PRUNE2: variants seen among roughly 807,000 people sequenced by gnomAD.
PRUNE2 encodes prune homolog 2 with BCH domain, also known as protein prune homolog 2.
In PRUNE2, 164 loss-of-function variants were observed where a neutral mutation model predicts 252.0. The observed-to-expected ratio is 0.65, with a 90% CI of 0.57 to 0.74. PRUNE2 has a LOEUF of 0.74. PRUNE2 is among the 30% of genes least tolerant of loss of function. The pLI, the probability that PRUNE2 is intolerant of heterozygous loss-of-function variation, is 0.00. For synonymous variants in PRUNE2, 1,292 were observed against 1,350.2 expected (o/e 0.96, Z 0.94); for missense variants, 3,495 against 3,711.0 (o/e 0.94, Z 1.51).
chr9:76,652,291 G>GT (rs1413736220), intron 11 of PRUNE2, 192 bp downstream of exon 11: 6 of 580,136 alleles, frequency 1.0e-5, no homozygotes, highest in Non-Finnish European at 1.8e-5. Context: ...CAATGGTTAT[G>GT]TATGGCCTCT....
chr9:76,774,450 C>CTTTTTTTATTTATTTATTTATTTAT lies in PRUNE2; in HGVS notation c.756+49181_756+49182insATAAATAAATAAATAAATAAAAAAA, dbSNP rs1564272256. Among the ~76,000 whole-genome samples the CTTTTTTTATTTATTTATTTATTTAT allele has an allele frequency of 3.9e-3, 162 of 41,374 alleles. 4 individuals are homozygous for CTTTTTTTATTTATTTATTTATTTAT. Among genetic ancestry groups the CTTTTTTTATTTATTTATTTATTTAT allele is most frequent in the Middle Eastern group, 0.016 (1 of 62 alleles). 27.1% of individuals were successfully genotyped at this position (41,374 alleles called of 152,430 possible). A position where few individuals can be genotyped will look rare whatever the true frequency, so the allele number is the denominator to read the frequency against. On this transcript the variant is annotated intron_variant, in intron 6 of 18. Transcript: ENST00000376718. Reference sequence around the variant, plus strand: ...ATCGTTCCTGGCCTCCAGTTCAACCCTTTTTTTTTTTTTTTTTTTTTTTTT... The same window carrying CTTTTTTTATTTATTTATTTATTTAT: ...ATCGTTCCTGGCCTCCAGTTCAACCCTTTTTTTATTTATTTATTTATTTATTTTTTTTTTTTTTTTTTTTTTTTTT...
intron 6 of PRUNE2, among the ~76,000 whole-genome samples, chr9:76,795,410 G>C (rs564393079): frequency 1.3e-5 from 2 of 152,286 alleles, no homozygotes; most frequent in South Asian, 4.2e-4. Context: ...TCTTATTTCT[G>C]ATCCCTCCAA....
At chr9:76,899,605 C>T (rs960961914) in intron 1 of PRUNE2, among the ~76,000 whole-genome samples, 8 of 151,974 alleles carry the variant, frequency 5.3e-5, no homozygotes, top group African/African-American at 1.9e-4. Context: ...TCTAAAACCA[C>T]TCTTTGAGCA....
chr9:76,780,692 A>AAAAC (rs140032621), intron 6 of PRUNE2, among the ~76,000 whole-genome samples: 2,891 of 152,178 alleles, frequency 0.019, 80 homozygotes, highest in African/African-American at 0.062. Context: ...CTCCGTCTCA[A>AAAAC]AAACAAACAA....
chr9:76,744,608 C>A (rs968308736), intron 6 of PRUNE2, among the ~76,000 whole-genome samples: 2 of 152,176 alleles, frequency 1.3e-5, no homozygotes. Flanking sequence ...TGTTAGTTTA[C>A]AAAGGCATAC....
chr9:76,856,451 G>T (rs967874237), intron 1 of PRUNE2: 1 of 152,096 alleles, frequency 6.6e-6, no homozygotes, highest in African/African-American at 2.4e-5. Context: ...GAAGACATGG[G>T]GAGTGTAGCA....
intron 6 of PRUNE2, among the ~76,000 whole-genome samples, chr9:76,795,737 T>C (rs1455603809): frequency 6.6e-6 from 1 of 152,230 alleles, no homozygotes; most frequent in Non-Finnish European, 1.5e-5. Context: ...ATACGGTACT[T>C]TTAATGAATC....
intron 6 of PRUNE2, among the ~76,000 whole-genome samples, chr9:76,761,551 C>T (rs190094592): frequency 6.6e-6 from 1 of 152,196 alleles, no homozygotes; most frequent in Non-Finnish European, 1.5e-5. Context: ...TATCTCTGGA[C>T]ATCAAAGCCC....
chr9:76,867,871 G>GCAGTATGTTTCTAATTAAGATCAC, intron 1 of PRUNE2, among the ~76,000 whole-genome samples: 1 of 151,970 alleles, frequency 6.6e-6, no homozygotes, highest in African/African-American at 2.4e-5. Context: ...GCGCCCGGCC[G>GCAGTATGTTTCTAATTAAGATCAC]GTTTTGCTTT....
intron 6 of PRUNE2, among the ~76,000 whole-genome samples, chr9:76,814,110 G>A (rs12353019): frequency 0.28 from 42,355 of 152,114 alleles, 6,049 homozygotes; most frequent in Middle Eastern, 0.39. Flanking sequence ...CACTGCTCCC[G>A]GCCATGTATC....
intron 6 of PRUNE2, among the ~76,000 whole-genome samples, chr9:76,789,433 T>C (rs1206807605): frequency 6.6e-6 from 1 of 152,250 alleles, no homozygotes; most frequent in Non-Finnish European, 1.5e-5. Flanking sequence ...AGTGGTCTTC[T>C]CACTGTATCC....
chr9:76,764,629 G>C (rs748756249), intron 6 of PRUNE2: 21 of 152,392 alleles, frequency 1.4e-4, no homozygotes, highest in Non-Finnish European at 2.5e-4. Context: ...GTTTAAAGTT[G>C]GGGAAGAGGT....
chr9:76,782,895 A>G (rs531047582), intron 6 of PRUNE2: 6 of 152,302 alleles, frequency 3.9e-5, no homozygotes, highest in Middle Eastern at 3.4e-3. Context: ...TTAACCATAT[A>G]CCTGCTATTC....
intron 1 of PRUNE2, among the ~76,000 whole-genome samples, chr9:76,904,822 C>T (rs938573862): frequency 2.6e-5 from 4 of 152,196 alleles, no homozygotes; most frequent in Non-Finnish European, 5.9e-5. Flanking sequence ...ATCACACTTC[C>T]GTCTGCACTC....
At chr9:76,873,677 A>G (rs111747101) in intron 1 of PRUNE2, among the ~76,000 whole-genome samples, 230 of 152,336 alleles carry the variant, frequency 1.5e-3, no homozygotes, top group African/African-American at 4.9e-3. Flanking sequence ...GAGAGAGAGA[A>G]CATCCTTGCA....
intron 1 of PRUNE2, among the ~76,000 whole-genome samples, chr9:76,863,790 C>G (rs756421233): frequency 3.3e-5 from 5 of 152,182 alleles, no homozygotes; most frequent in Non-Finnish European, 7.3e-5. Flanking sequence ...TGCTTTGCCT[C>G]ATGTCAAAAT....
chr9:76,660,482 T>C (rs933569865), intron 9 of PRUNE2, among the ~76,000 whole-genome samples: 2 of 151,784 alleles, frequency 1.3e-5, no homozygotes, highest in Non-Finnish European at 2.9e-5. Flanking sequence ...GACCCTAGGG[T>C]TCCAAAAGAA....
rs1450745714 is a variant in PRUNE2 at position 76,705,218 on chromosome 9, A to G, written c.7056T>C (p.Phe2352=). 3 of 1,614,028 alleles carry G rather than the reference A, an allele frequency of 1.9e-6. No individual in the cohort carries two copies. Among genetic ancestry groups the G allele is most frequent in the Admixed American group, 1.7e-5 (1 of 60,024 alleles). Residue 2352 remains phenylalanine (F), a synonymous_variant, in exon 8 of 19, where the codon TTT becomes TTC. Coordinates refer to ENST00000376718, the MANE Select transcript of PRUNE2 (RefSeq NM_015225.3). ...ICSSEASWGD[F]EYDVMGQNID... ...TATTCTGGCCCATTACATCATATTC[A>G]AAATCACCCCACGAGGCTTCAGATG...
At chr9:76,769,617 G>A (rs1024733534) in intron 6 of PRUNE2, among the ~76,000 whole-genome samples, 1 of 152,142 alleles carries the variant, frequency 6.6e-6, no homozygotes, top group Non-Finnish European at 1.5e-5. Flanking sequence ...TAGAGATGGG[G>A]TTTCTCCATG....
Sources: allele counts gnomAD v4.1 joint callset (sites outside exome capture counted in the v4.1 genomes callset), GRCh38; gene constraint gnomAD v4.1.1; transcripts MANE v1.5; gene names NCBI Gene and HGNC (gene_info 2026-07-23, HGNC 2026-07-21).